The following SDK1 variants were observed in gnomAD, a reference collection of about 807,000 sequenced individuals.
The protein encoded by SDK1 is sidekick cell adhesion molecule 1.
In SDK1, 157 loss-of-function variants were observed where a neutral mutation model predicts 245.5. That is an observed-to-expected ratio of 0.64 (90% CI 0.56 to 0.73). The LOEUF is 0.73. Ranked by LOEUF, SDK1 falls within the 30% of genes least tolerant of loss-of-function variation. The pLI is 0.00. For missense variants in SDK1, 3,583 were observed against 3,002.3 expected (o/e 1.19, Z -4.52); for synonymous variants, 1,647 against 1,278.5 (o/e 1.29, Z -6.15).
intron 5 of SDK1, among the ~76,000 whole-genome samples, chr7:3,842,061 C>G (rs1934449537): frequency 6.6e-6 from 1 of 152,198 alleles, no homozygotes; most frequent in African/African-American, 2.4e-5. Flanking sequence ...TGGCAGGAAA[C>G]TAAAAACTTG....
intron 22 of SDK1, among the ~76,000 whole-genome samples, chr7:4,086,720 G>C (rs141267557): frequency 7.9e-5 from 12 of 152,174 alleles, no homozygotes; most frequent in South Asian, 2.1e-4. Context: ...CCTCCCTGAT[G>C]TAAGGTTCTT....
At chr7:4,245,365 C>G (rs1284846807) in intron 43 of SDK1, among the ~76,000 whole-genome samples, 1 of 152,130 alleles carries the variant, frequency 6.6e-6, no homozygotes, top group African/African-American at 2.4e-5. Context: ...CCCCGGCCTC[C>G]TATCTGTCCC....
At chr7:4,107,102 A>G (rs1782974615) in intron 22 of SDK1, among the ~76,000 whole-genome samples, 1 of 126,900 alleles carries the variant, frequency 7.9e-6, no homozygotes, top group African/African-American at 2.9e-5. Flanking sequence ...GCAGCCGAAT[A>G]CACACATCCA....
intron 4 of SDK1, among the ~76,000 whole-genome samples, chr7:3,650,520 TC>T (rs1277118281): frequency 1.3e-5 from 2 of 152,330 alleles, no homozygotes; most frequent in Admixed American, 6.5e-5. Flanking sequence ...TCACATACAG[TC>T]AAAAGAAATA....
chr7:3,543,619 G>A (rs1256184611), intron 1 of SDK1, among the ~76,000 whole-genome samples: 1 of 152,216 alleles, frequency 6.6e-6, no homozygotes. Flanking sequence ...GAGAAAAAAA[G>A]TTTGGAATGG....
chr7:4,243,953 C>T (rs1786680063), intron 43 of SDK1, among the ~76,000 whole-genome samples: 1 of 152,196 alleles, frequency 6.6e-6, no homozygotes, highest in African/African-American at 2.4e-5. Flanking sequence ...GGGAAGACAC[C>T]ATTTTAGCTC....
chr7:4,074,779 C>A (rs188143804), intron 20 of SDK1, among the ~76,000 whole-genome samples: 1,718 of 149,634 alleles, frequency 0.011, 27 homozygotes, highest in African/African-American at 0.035. Flanking sequence ...GGGAGAATCG[C>A]TTGGGTTGAG....
In SDK1 at chr7:3,994,966, G is replaced by A. The variant is rs774191737; in HGVS notation, c.2131+7644G>A. Among the ~76,000 whole-genome samples, 92 of 152,188 alleles carry A rather than the reference G, an allele frequency of 6.0e-4. 1 individual carries two copies. The highest frequency in any genetic ancestry group is 1.5e-4 in the Non-Finnish European group (10 of 68,022). ...GAGAACCCACCGCTGGGGCTGGGCAGGAAGGCTTCAGGAAGCCTGGTACTG... is the reference window on the plus strand; with the variant it reads ...GAGAACCCACCGCTGGGGCTGGGCAAGAAGGCTTCAGGAAGCCTGGTACTG... On this transcript the variant is annotated intron_variant, in intron 14 of 44. Transcript: ENST00000404826.
chr7:3,504,982 G>C (rs1240944799), intron 1 of SDK1, among the ~76,000 whole-genome samples: 1 of 152,168 alleles, frequency 6.6e-6, no homozygotes, highest in Non-Finnish European at 1.5e-5. Flanking sequence ...TAGGCAGTCA[G>C]TAAACAAAAT....
rs2128228154 is a variant in SDK1, at chr7:4,210,089, G to T, written c.5466G>T (p.Trp1822Cys). The change falls in exon 38 of 45, where the codon TGG (tryptophan) becomes TGT (cysteine). Residue 1822 changes from tryptophan to cysteine, a missense_variant. Transcript: ENST00000404826. ...CCTCCACCACGCTCAACGTGTCCTG[G>T]GGCGAGCCTGCGGCGGCCAACGGCA... ...EITSTTLNVS[W>C]GEPAAANGIL... 1.2e-6 allele frequency: 2 copies of T among 1,610,712 alleles called. No individual in the cohort carries two copies. The highest frequency in any genetic ancestry group is 1.7e-6 in the Non-Finnish European group (2 of 1,178,736).
intron 35 of SDK1, among the ~76,000 whole-genome samples, chr7:4,198,703 C>G (rs560699298): frequency 6.6e-6 from 1 of 152,158 alleles, no homozygotes; most frequent in African/African-American, 2.4e-5. Flanking sequence ...CTTAGAGAAG[C>G]AGCTTGGACC....
At chr7:3,475,862 A>C (rs1207400688) in intron 1 of SDK1, among the ~76,000 whole-genome samples, 1 of 152,168 alleles carries the variant, frequency 6.6e-6, no homozygotes, top group African/African-American at 2.4e-5. Flanking sequence ...ATCATGTGGT[A>C]CTTCTTATTC....
intron 4 of SDK1, 129 bp downstream of exon 4, chr7:3,642,234 T>C (rs1276991595): frequency 2.1e-5 from 16 of 761,340 alleles, no homozygotes; most frequent in Non-Finnish European, 1.6e-5. Context: ...AGGAGTCCTA[T>C]CCTAATTTTT....
chr7:4,143,678 T>C (rs1252494703), intron 28 of SDK1, among the ~76,000 whole-genome samples: 1 of 152,174 alleles, frequency 6.6e-6, no homozygotes, highest in Non-Finnish European at 1.5e-5. Context: ...GGTCCGTGGT[T>C]CCGAGCAACG....
At chr7:3,910,625 A>G (rs1309313362) in intron 5 of SDK1, among the ~76,000 whole-genome samples, 11 of 152,110 alleles carry the variant, frequency 7.2e-5, no homozygotes, top group African/African-American at 2.2e-4. Context: ...TGTTTTTTGC[A>G]TAAGTACGCT....
At chr7:4,216,785 G>C (rs1163908589) in intron 38 of SDK1, among the ~76,000 whole-genome samples, 2 of 152,136 alleles carry the variant, frequency 1.3e-5, no homozygotes, top group Admixed American at 6.5e-5. Context: ...TTGACCAGTC[G>C]GGCCAAGGCA....
intron 4 of SDK1, among the ~76,000 whole-genome samples, chr7:3,763,878 A>G (rs1780177201): frequency 6.6e-6 from 1 of 152,206 alleles, no homozygotes; most frequent in African/African-American, 2.4e-5. Context: ...GATTTTACGA[A>G]TGTATGCATC....
intron 5 of SDK1, among the ~76,000 whole-genome samples, chr7:3,849,147 A>C (rs1780355580): frequency 6.6e-6 from 1 of 151,964 alleles, no homozygotes; most frequent in Non-Finnish European, 1.5e-5. Context: ...TTTCTCTCCA[A>C]ATGAATGCAC....
At chr7:4,127,203 C>A (rs970542872) in intron 25 of SDK1, among the ~76,000 whole-genome samples, 178 bp from the exon 26 acceptor site, 1 of 152,102 alleles carries the variant, frequency 6.6e-6, no homozygotes, top group African/African-American at 2.4e-5. Context: ...GAATTTGTTG[C>A]TAATATTAAA....
Sources: gnomAD v4.1 joint callset for allele counts (sites outside exome capture counted in the v4.1 genomes callset) on GRCh38, gnomAD v4.1.1 for gene constraint, MANE v1.5 for transcripts, NCBI Gene and HGNC (gene_info 2026-07-23, HGNC 2026-07-21) for gene names.